The following UPF3A variants were observed in gnomAD, a reference collection of about 807,000 sequenced individuals.
UPF3A encodes UPF3A regulator of nonsense mediated mRNA decay.
In UPF3A, 42 loss-of-function variants were observed where a neutral mutation model predicts 53.5. The observed-to-expected ratio is 0.78, with a 90% CI of 0.61 to 1.01. The LOEUF (loss-of-function observed/expected upper bound fraction) is 1.01, where lower values mean the gene tolerates loss of function less well. Among genes scored for constraint, UPF3A ranks in the 50% least tolerant of loss-of-function variants. The pLI is 0.00. For synonymous variants in UPF3A, 237 were observed against 225.3 expected, an observed-to-expected ratio of 1.05 and a Z score of -0.47; for missense variants, 575 against 598.0, an observed-to-expected ratio of 0.96 and a Z score of 0.40.
chr13:114,296,182 A>T lies in UPF3A; in HGVS notation c.847-2658A>T, dbSNP rs565946982. 1.0e-3 allele frequency among the ~76,000 whole-genome samples: 152 copies of T among 152,180 alleles called. 2 individuals are homozygous for T. The highest frequency in any genetic ancestry group is 1.9e-3 in the Non-Finnish European group (132 of 68,038). On this transcript the variant is annotated intron_variant, in intron 7 of 9. Transcript: ENST00000375299. Reference sequence around the variant, plus strand: ...GGTGGATCCCGAGGTCAGGAGTTTGAGACCAGCCTGGCTAATATGGTGAAA... The same window carrying T: ...GGTGGATCCCGAGGTCAGGAGTTTGTGACCAGCCTGGCTAATATGGTGAAA...
At chr13:114,296,211 C>T (rs934980723) in intron 7 of UPF3A, among the ~76,000 whole-genome samples, 7 of 152,102 alleles carry the variant, frequency 4.6e-5, no homozygotes, top group Non-Finnish European at 8.8e-5. Context: ...GGTGAAACCC[C>T]GTCTCTACTA....
intron 7 of UPF3A, among the ~76,000 whole-genome samples, chr13:114,298,049 C>CT (rs2086223273): frequency 1.3e-5 from 2 of 151,742 alleles, no homozygotes; most frequent in Non-Finnish European, 2.9e-5. Context: ...CTGCAGAGCC[C>CT]TTTAGGTGGT....
At chr13:114,291,849 C>A in intron 7 of UPF3A, 57 bp downstream of exon 7, 1 of 1,508,980 alleles carries the variant, frequency 6.6e-7, no homozygotes. Context: ...AGTAATTACA[C>A]TTTTTACATA....
rs1013586674 is a variant in UPF3A at position 114,301,612 on chromosome 13, G to A, written c.1008-119G>A. On this transcript the variant is annotated intron_variant, in intron 8 of 9. Transcript: ENST00000375299. ...TGCCCATCGCAGTGCAGCCTCAGCA[G>A]TGCAGCGCTGAGCACTTCGCATGGG... is the stretch of plus-strand genomic sequence containing the variant. 9.8e-6 allele frequency: 9 copies of A among 917,500 alleles called. No individual in the cohort carries two copies. The African/African-American group carries it at 1.0e-4, about 10-fold the overall frequency. The allele number at this position is 917,500 out of a possible 1,614,324, so 56.8% of individuals were successfully genotyped here. A position where few individuals can be genotyped will look rare whatever the true frequency, so the allele number is the denominator to read the frequency against.
At chr13:114,300,323 T>G (rs2086478121) in intron 8 of UPF3A, among the ~76,000 whole-genome samples, 1 of 152,224 alleles carries the variant, frequency 6.6e-6, no homozygotes, top group South Asian at 2.1e-4. Context: ...CTCAGTCATT[T>G]TATCTGTAGA....
At chr13:114,286,780 A>T (rs2084737735) in intron 5 of UPF3A, 151 bp downstream of exon 5, 1 of 659,750 alleles carries the variant, frequency 1.5e-6, no homozygotes. Flanking sequence ...TTGACAAAAG[A>T]ATGGCAAGAT....
Position 114,305,192 on chromosome 13 carries a change from A to G in UPF3A, c.*275A>G. On this transcript the variant is annotated 3_prime_UTR_variant, in exon 10 of 10. Transcript: ENST00000375299. ...AAAATGATTTCCACTGGACAGTAGA[A>G]AAATATGTGTAAAATAGGGAAGAAA... 5.2e-6 allele frequency: 2 copies of G among 386,254 alleles called. No individual in the cohort carries two copies. The highest frequency in any genetic ancestry group is 5.0e-6 in the Non-Finnish European group (1 of 201,840). The allele number at this position is 386,254 out of a possible 1,614,324, so 23.9% of individuals were successfully genotyped here.
intron 5 of UPF3A, among the ~76,000 whole-genome samples, chr13:114,290,044 C>T (rs1400300737): frequency 6.6e-6 from 1 of 152,166 alleles, no homozygotes. Context: ...TTACAAAGAG[C>T]TGACCATTTA....
rs1032014856 is a variant in UPF3A at position 114,286,462 on chromosome 13, A to T, written c.521-57A>T. ...AAATTAAGAACACTGAGCAAATGTA[A>T]TTCTCCCGTAGTTGGGAAAGATTAT... is the stretch of plus-strand genomic sequence containing the variant. On this transcript the variant is annotated intron_variant, in intron 4 of 9. Coordinates refer to ENST00000375299, the MANE Select transcript of UPF3A (RefSeq NM_023011.4). 1.2e-5 allele frequency: 20 copies of T among 1,611,478 alleles called. No individual in the cohort carries two copies. The Admixed American group carries it at 3.2e-4, about 26-fold the overall frequency.
intron 3 of UPF3A, 168 bp downstream of exon 3, chr13:114,283,111 A>G (rs962258461): frequency 7.5e-6 from 4 of 530,006 alleles, no homozygotes; most frequent in African/African-American, 1.9e-5. Context: ...GCAGCCTCAC[A>G]CTGCGGCTCA....
chr13:114,301,324 G>A (rs1007093092), intron 8 of UPF3A, among the ~76,000 whole-genome samples: 15 of 152,036 alleles, frequency 9.9e-5, no homozygotes, highest in Middle Eastern at 3.4e-3. Flanking sequence ...TTAGCCGGGC[G>A]TGGTCGCGGG....
chr13:114,281,749 C>T lies in UPF3A; in HGVS notation c.110C>T (p.Ser37Leu). Residue 37 changes from serine to leucine, a missense_variant, in exon 1 of 10, where the codon TCG becomes TTG. By Grantham distance (145) the Ser-to-Leu change is moderately radical (BLOSUM62 -2). Transcript: ENST00000375299. ...SALEVQFHRD[S>L]QQQEAETPPT... Reference sequence around the variant, plus strand: ...CTAGAAGTGCAGTTCCACCGCGACTCGCAGCAGCAGGAGGCTGAGACGCCG... The same window carrying T: ...CTAGAAGTGCAGTTCCACCGCGACTTGCAGCAGCAGGAGGCTGAGACGCCG... The T allele has an allele frequency of 1.3e-6, 2 of 1,557,846 alleles. No homozygotes were observed. Among genetic ancestry groups the T allele is most frequent in the African/African-American group, 1.4e-5 (1 of 73,294 alleles).
Position 114,304,925 on chromosome 13 carries a change from C to T in UPF3A, c.*8C>T. On this transcript the variant is annotated 3_prime_UTR_variant, in exon 10 of 10. Coordinates refer to ENST00000375299, the MANE Select transcript of UPF3A (RefSeq NM_023011.4). The stretch of plus-strand genomic sequence containing the variant: ...AGGGAAGAGGCAGAGTGAGTCACTG[C>T]ACGCACCTGGCCTCCATGGACGAGC... The T allele has an allele frequency of 6.2e-7, 1 of 1,611,234 alleles. No homozygotes were observed. The highest frequency in any genetic ancestry group is 8.5e-7 in the Non-Finnish European group (1 of 1,178,716).
At chr13:114,292,483 A>G (rs528173696) in intron 7 of UPF3A, among the ~76,000 whole-genome samples, 7 of 148,064 alleles carry the variant, frequency 4.7e-5, no homozygotes, top group Middle Eastern at 3.5e-3. Context: ...TTTCGGCTCA[A>G]GGCGTACACG....
intron 5 of UPF3A, among the ~76,000 whole-genome samples, chr13:114,289,279 A>G (rs533894488): frequency 6.6e-6 from 1 of 152,242 alleles, no homozygotes; most frequent in East Asian, 1.9e-4. Flanking sequence ...TAATCCCAGC[A>G]TTTTAGGAGG....
At chr13:114,283,065 C>A in intron 3 of UPF3A, 122 bp downstream of exon 3, 1 of 769,502 alleles carries the variant, frequency 1.3e-6, no homozygotes, top group Non-Finnish European at 2.0e-6. Flanking sequence ...CTCTGTTGCC[C>A]AGGCTGGAGT....
At position 114,305,330 on chromosome 13, in the gene UPF3A, C is replaced by T. The variant is rs1477770939; in HGVS notation, c.*413C>T. The T allele has an allele frequency of 2.3e-5, 6 of 263,162 alleles. No homozygotes were observed. The highest frequency in any genetic ancestry group is 1.0e-4 in the East Asian group (1 of 9,726). The allele number at this position is 263,162 out of a possible 1,614,324, so 16.3% of individuals were successfully genotyped here. On this transcript the variant is annotated 3_prime_UTR_variant, in exon 10 of 10. Transcript: ENST00000375299. ...GGAGCTGTCAGTCACTCGTGCTTCT[C>T]GGTGGCCTCTGAGCCATGGTGTCGA...
chr13:114,297,494 A>G (rs955420401), intron 7 of UPF3A, among the ~76,000 whole-genome samples: 1 of 152,186 alleles, frequency 6.6e-6, no homozygotes, highest in South Asian at 2.1e-4. Context: ...ACTAGACCCT[A>G]TAGATGAAAG....
At chr13:114,289,763 G>A (rs905591237) in intron 5 of UPF3A, among the ~76,000 whole-genome samples, 1 of 152,154 alleles carries the variant, frequency 6.6e-6, no homozygotes, top group African/African-American at 2.4e-5. Context: ...CTGTTTACTT[G>A]TGTTCTGTTG....
Sources: allele counts gnomAD v4.1 joint callset (sites outside exome capture counted in the v4.1 genomes callset), GRCh38; gene constraint gnomAD v4.1.1; transcripts MANE v1.5; gene names NCBI Gene and HGNC (gene_info 2026-07-23, HGNC 2026-07-21).